HCN4: variants seen among roughly 807,000 people sequenced by gnomAD.
HCN4 encodes the protein potassium/sodium hyperpolarization-activated cyclic nucleotide-gated channel 4.
HCN4 carries 29 observed loss-of-function variants against 76.9 expected under a neutral mutation model. The observed-to-expected ratio is 0.38, with a 90% confidence interval of 0.28 to 0.51. The LOEUF (loss-of-function observed/expected upper bound fraction) is 0.51. HCN4 is among the 20% of genes least tolerant of loss of function. The pLI, the probability that HCN4 is intolerant of heterozygous loss-of-function variation, is 0.90. For synonymous variants in HCN4, 772 were observed against 762.5 expected (o/e 1.01, Z -0.21); for missense variants, 1,416 against 1,715.2 (o/e 0.83, Z 3.08).
intron 1 of HCN4, among the ~76,000 whole-genome samples, chr15:73,349,835 C>T (rs1026731198): frequency 6.6e-6 from 1 of 152,220 alleles, no homozygotes; most frequent in African/African-American, 2.4e-5. Flanking sequence ...CCTTCCAGCA[C>T]CCATCTGCCA....
Position 73,367,519 on chromosome 15 carries a change from C to CG in HCN4, c.751_752insC (p.Gly251AlafsTer10). On this transcript the variant is annotated frameshift_variant, in exon 1 of 8. Coordinates refer to ENST00000261917, the MANE Select transcript of HCN4 (RefSeq NM_005477.3). LOFTEE classifies it high-confidence loss of function. The surrounding 1 kb of genome is among the most constrained non-coding windows in gnomAD (Gnocchi z 7.5). The stretch of plus-strand genomic sequence containing the variant: ...ACTGTAGGGGTGGATAATCCAAAAT[C>CG]CGGCCGACTTGACCCTCTCCTGTTC... The CG allele has an allele frequency of 6.2e-7, 1 of 1,614,038 alleles. No individual in the cohort carries two copies. The highest frequency in any genetic ancestry group is 8.5e-7 in the Non-Finnish European group (1 of 1,180,028).
At chr15:73,337,156 C>G (rs531348327) in intron 2 of HCN4, among the ~76,000 whole-genome samples, 2 of 152,222 alleles carry the variant, frequency 1.3e-5, no homozygotes, top group Non-Finnish European at 2.9e-5. Context: ...CACTGGATCC[C>G]TGTGTGTGAC....
At position 73,367,874 on chromosome 15, in the gene HCN4, C is replaced by T; in HGVS notation, c.397G>A (p.Ala133Thr). Residue 133 changes from alanine (A) to threonine (T), a missense_variant, in exon 1 of 8, where the codon GCC becomes ACC. Physicochemically the swap from Ala to Thr is moderately conservative, Grantham distance 58 (BLOSUM62 0). This residue lies in a region of HCN4 where 355 missense variants were observed against 347.8 expected (regional missense o/e 1.02). Coordinates refer to ENST00000261917, the MANE Select transcript of HCN4 (RefSeq NM_005477.3). The surrounding 1 kb of genome is among the most constrained non-coding windows in gnomAD (Gnocchi z 7.5). ...TCGCCGGGGGACGCGTCGCCCTCGG[C>T]GATGAGCCGCCGCTCCTCCGCGGAG... is the stretch of plus-strand genomic sequence containing the variant. ...HDSAEERRLIAEGDASPGEDR... is the reference protein window; with the variant it reads ...HDSAEERRLITEGDASPGEDR... The T allele has an allele frequency of 1.5e-6, 2 of 1,342,558 alleles. No individual in the cohort carries two copies. The highest frequency in any genetic ancestry group is 5.7e-5 in the Admixed American group (2 of 35,138). 83.2% of individuals were successfully genotyped at this position (1,342,558 alleles called of 1,614,324 possible).
intron 2 of HCN4, among the ~76,000 whole-genome samples, chr15:73,336,904 C>T (rs1368373672): frequency 1.3e-5 from 2 of 152,188 alleles, no homozygotes; most frequent in African/African-American, 4.8e-5. Context: ...CCCATGAATA[C>T]ACTCCAAATG....
chr15:73,356,358 TTC>T (rs1161521083), intron 1 of HCN4, among the ~76,000 whole-genome samples: 2 of 150,430 alleles, frequency 1.3e-5, no homozygotes. Context: ...CAGCTAATTT[TTC>T]TTTCTTTTCT....
At chr15:73,324,918 C>A in intron 6 of HCN4, 37 bp downstream of exon 6, 1 of 1,612,418 alleles carries the variant, frequency 6.2e-7, no homozygotes, top group Admixed American at 1.7e-5. Flanking sequence ...CCCCTGGGAG[C>A]AGCTGCCCTG....
rs2151214312 is a variant in HCN4, at chr15:73,323,207, T to G, written c.2886A>C (p.Pro962=). 6.5e-7 allele frequency: 1 copy of G among 1,532,828 alleles called. No individual in the cohort carries two copies. The highest frequency in any genetic ancestry group is 8.8e-7 in the Non-Finnish European group (1 of 1,142,034). 95.0% of individuals were successfully genotyped at this position (1,532,828 alleles called of 1,614,324 possible). ...LGLPEHFLPP[P]PSSRSPSSSP... is the part of the protein sequence containing the mutation. ...TAGATGACGGGGATCTGGATGAGGG[T>G]GGGGGTGGCAGGAAGTGCTCCGGGA... The change falls in exon 8 of 8, where the codon CCA becomes CCC. Residue 962 remains proline, a synonymous_variant. Coordinates refer to ENST00000261917, the MANE Select transcript of HCN4 (RefSeq NM_005477.3).
chr15:73,366,993 G>A (rs2043131153), intron 1 of HCN4, among the ~76,000 whole-genome samples: 1 of 152,198 alleles, frequency 6.6e-6, no homozygotes, highest in South Asian at 2.1e-4. Flanking sequence ...GGTCCTCCAG[G>A]GACCCGGCCG....
chr15:73,327,353 T>G (rs1004662673), intron 4 of HCN4, among the ~76,000 whole-genome samples: 1 of 151,042 alleles, frequency 6.6e-6, no homozygotes, highest in Non-Finnish European at 1.5e-5. Flanking sequence ...TCAGGTGATC[T>G]GCCCGCCTTG....
intron 1 of HCN4, among the ~76,000 whole-genome samples, chr15:73,363,577 A>G (rs1162064323): frequency 2.6e-5 from 4 of 152,130 alleles, no homozygotes; most frequent in African/African-American, 9.7e-5. Flanking sequence ...GGCCACAGAC[A>G]CCAGAAATTA....
chr15:73,327,098 TTTTC>T (rs1313810450), intron 4 of HCN4, among the ~76,000 whole-genome samples: 1 of 150,568 alleles, frequency 6.6e-6, no homozygotes, highest in Non-Finnish European at 1.5e-5. Context: ...CCCAGACGCT[TTTTC>T]TTTTTCTTTT....
Position 73,367,644 on chromosome 15 carries a change from G to A in HCN4, c.627C>T (p.Gly209=). 3 of 1,611,102 alleles carry A rather than the reference G, an allele frequency of 1.9e-6. No homozygotes were observed. Among genetic ancestry groups the A allele is most frequent in the Middle Eastern group, 3.3e-4 (2 of 6,054 alleles). Residue 209 remains glycine, a synonymous_variant, in exon 1 of 8, where the codon GGC becomes GGT. Coordinates refer to ENST00000261917, the MANE Select transcript of HCN4 (RefSeq NM_005477.3). This position sits in a 1 kb window ranked among gnomAD's most constrained non-coding sequence, Gnocchi z 7.5. ...ACTGGCGCTGCATGAAGCCGGCCTG[G>A]CCCAGGCGCACCTCGGCCTCCGGGA... is the stretch of plus-strand genomic sequence containing the variant. The part of the protein sequence containing the change: ...QILPEAEVRL[G]QAGFMQRQFG...
intron 1 of HCN4, among the ~76,000 whole-genome samples, chr15:73,363,132 C>T (rs1452538294): frequency 1.3e-5 from 2 of 152,228 alleles, no homozygotes; most frequent in Non-Finnish European, 2.9e-5. Flanking sequence ...GGCTCCTTTC[C>T]GCCTGGCTTT....
At chr15:73,360,419 A>C (rs977162910) in intron 1 of HCN4, among the ~76,000 whole-genome samples, 1 of 152,172 alleles carries the variant, frequency 6.6e-6, no homozygotes, top group African/African-American at 2.4e-5. Flanking sequence ...CGGCTTGCTA[A>C]GGCCTCTCCA....
At chr15:73,338,840 G>A (rs947528456) in intron 2 of HCN4, among the ~76,000 whole-genome samples, 4 of 152,266 alleles carry the variant, frequency 2.6e-5, no homozygotes, top group African/African-American at 7.2e-5. Context: ...GCTGGGTGCA[G>A]TTTGAAGGCA....
chr15:73,341,716 C>A (rs926201693), intron 2 of HCN4, among the ~76,000 whole-genome samples: 1 of 152,236 alleles, frequency 6.6e-6, no homozygotes, highest in Admixed American at 6.5e-5. Context: ...AGAGGTCTAA[C>A]TGCATGACCT....
chr15:73,351,260 A>G (rs2043054011), intron 1 of HCN4, among the ~76,000 whole-genome samples: 2 of 151,594 alleles, frequency 1.3e-5, no homozygotes, highest in Admixed American at 6.6e-5. Flanking sequence ...TGGGGCCCTC[A>G]TCTCTTCCCG....
At position 73,323,165 on chromosome 15, in the gene HCN4, GC is replaced by G; in HGVS notation, c.2927del (p.Gly976AlafsTer9). ...CTAGGGACAACTCCCCGGGAGGCTG[GC>G]CCAGCTGCCCGGGGCTAGATGACGG... is the stretch of plus-strand genomic sequence containing the variant. ...RSPSSSPGQL[G>X]QPPGELSLGL... On this transcript the variant is annotated frameshift_variant, in exon 8 of 8. Coordinates refer to ENST00000261917, the MANE Select transcript of HCN4 (RefSeq NM_005477.3). LOFTEE classifies it high-confidence loss of function. The G allele has an allele frequency of 6.4e-7, 1 of 1,562,412 alleles. No homozygotes were observed.
intron 4 of HCN4, among the ~76,000 whole-genome samples, chr15:73,326,991 T>G (rs2042904163): frequency 6.6e-6 from 1 of 151,924 alleles, no homozygotes; most frequent in African/African-American, 2.4e-5. Flanking sequence ...TTTGCCACGT[T>G]GCCCAGGCTG....
Sources: gnomAD v4.1 joint callset for allele counts (sites outside exome capture counted in the v4.1 genomes callset) on GRCh38, gnomAD v4.1.1 for gene constraint, gnomAD v4.1.1 regional missense constraint, Gnocchi (gnomAD v3.1) non-coding constraint, MANE v1.5 for transcripts, NCBI Gene and HGNC (gene_info 2026-07-23, HGNC 2026-07-21) for gene names.